SRFBP1: variants seen among roughly 807,000 people sequenced by gnomAD.
SRFBP1 encodes the protein serum response factor binding protein 1, also known as serum response factor-binding protein 1.
In SRFBP1, 47 loss-of-function variants were observed where a neutral mutation model predicts 45.5. The observed-to-expected ratio is 1.03, with a 90% CI of 0.82 to 1.32. The LOEUF (loss-of-function observed/expected upper bound fraction) is 1.32. Ranked by LOEUF, SRFBP1 falls within the 40% of genes most tolerant of loss-of-function variation. The probability of loss-of-function intolerance (pLI) is 0.00; values close to 1 mark genes in which losing one functional copy is unlikely to be tolerated. For synonymous variants in SRFBP1, 203 were observed against 166.3 expected (o/e 1.22, Z -1.70); for missense variants, 621 against 484.6 (o/e 1.28, Z -2.64).
intron 2 of SRFBP1, chr5:122,063,188 T>A (rs1580552093): frequency 6.6e-6 from 1 of 152,098 alleles, no homozygotes; most frequent in Admixed American, 6.6e-5. Flanking sequence ...AACAAATGAC[T>A]ACTATAGACA....
chr5:122,035,788 A>G (rs529295239), intron 2 of SRFBP1, among the ~76,000 whole-genome samples: 21 of 152,268 alleles, frequency 1.4e-4, no homozygotes, highest in Middle Eastern at 3.4e-3. Context: ...TTGTTGGACA[A>G]TGCAATCTAC....
At chr5:122,026,802 C>G (rs946107881) in intron 7 of SRFBP1, 140 bp from the exon 8 acceptor site, 1 of 569,992 alleles carries the variant, frequency 1.8e-6, no homozygotes, top group African/African-American at 1.9e-5. Flanking sequence ...CCCTGTTAGA[C>G]TTCAGTTTTA....
chr5:121,963,025 G>A (rs762099487), intron 1 of SRFBP1, among the ~76,000 whole-genome samples: 3 of 152,172 alleles, frequency 2.0e-5, no homozygotes, highest in Non-Finnish European at 2.9e-5. Context: ...TTCCAAAGGC[G>A]GCAAAATGAA....
chr5:122,073,234 G>T (rs1754502960), intron 2 of SRFBP1, among the ~76,000 whole-genome samples: 1 of 151,988 alleles, frequency 6.6e-6, no homozygotes, highest in African/African-American at 2.4e-5. Context: ...ACAAATTAGG[G>T]TTTCATATGG....
At chr5:121,993,801 G>A (rs1752661833) in intron 3 of SRFBP1, among the ~76,000 whole-genome samples, 1 of 151,946 alleles carries the variant, frequency 6.6e-6, no homozygotes, top group Non-Finnish European at 1.5e-5. Context: ...CCTTTCTCAA[G>A]ACTTGTTTAT....
intron 2 of SRFBP1, among the ~76,000 whole-genome samples, chr5:122,039,124 C>A (rs1008080963): frequency 6.6e-6 from 1 of 152,196 alleles, no homozygotes; most frequent in Non-Finnish European, 1.5e-5. Context: ...GTAACTATAA[C>A]AGAACGGTGT....
chr5:122,061,593 A>G lies in SRFBP1; in HGVS notation n.312-13722A>G, dbSNP rs560584286. On this transcript the variant is annotated intron_variant and non_coding_transcript_variant, in intron 2 of 2. Transcript: ENST00000504881. ...TACTTAAGTTATGCAATTATGCATA[A>G]CATAATTTTAAGTATACAAAATGAA... 9.6e-3 allele frequency among the ~76,000 whole-genome samples: 1,461 copies of G among 152,156 alleles called. 26 individuals carry two copies. Among genetic ancestry groups the G allele is most frequent in the African/African-American group, 0.033 (1,365 of 41,532 alleles).
intron 4 of SRFBP1, among the ~76,000 whole-genome samples, chr5:122,003,075 G>A (rs563148922): frequency 3.3e-5 from 5 of 152,222 alleles, no homozygotes; most frequent in South Asian, 2.1e-4. Flanking sequence ...TGGGCATGGC[G>A]GCTCACCCTG....
chr5:121,963,800 G>A (rs1392977324), intron 1 of SRFBP1, among the ~76,000 whole-genome samples: 1 of 151,702 alleles, frequency 6.6e-6, no homozygotes, highest in African/African-American at 2.4e-5. Context: ...ATGTGAAGGA[G>A]ATAAAAAGGA....
intron 4 of SRFBP1, among the ~76,000 whole-genome samples, chr5:122,009,592 T>A (rs1384430942): frequency 6.6e-6 from 1 of 152,184 alleles, no homozygotes. Context: ...AAGGATAGAT[T>A]CATGCATAGT....
chr5:121,970,075 G>A (rs1752155812), intron 1 of SRFBP1, among the ~76,000 whole-genome samples: 1 of 151,994 alleles, frequency 6.6e-6, no homozygotes. Context: ...TGACTTCTGG[G>A]TTGTCAGCCA....
At chr5:122,057,021 A>G (rs965423498) in intron 2 of SRFBP1, among the ~76,000 whole-genome samples, 1 of 152,202 alleles carries the variant, frequency 6.6e-6, no homozygotes, top group African/African-American at 2.4e-5. Context: ...GAGAAACCAA[A>G]TTTAAAATTG....
chr5:122,060,019 G>T (rs1754146157), intron 2 of SRFBP1, among the ~76,000 whole-genome samples: 1 of 152,040 alleles, frequency 6.6e-6, no homozygotes, highest in African/African-American at 2.4e-5. Flanking sequence ...GAAGGAACTT[G>T]GATCTTCTCT....
At chr5:122,013,183 A>C (rs1031144881) in intron 4 of SRFBP1, among the ~76,000 whole-genome samples, 3 of 152,032 alleles carry the variant, frequency 2.0e-5, no homozygotes, top group Non-Finnish European at 4.4e-5. Flanking sequence ...TGTGTCAAGC[A>C]CTCACTATGT....
At chr5:122,055,387 A>G (rs1454227408) in intron 2 of SRFBP1, among the ~76,000 whole-genome samples, 2 of 152,170 alleles carry the variant, frequency 1.3e-5, no homozygotes, top group African/African-American at 2.4e-5. Context: ...TTCAAACCAT[A>G]GCAACTACAC....
intron 4 of SRFBP1, among the ~76,000 whole-genome samples, chr5:121,997,793 T>A (rs1216976565): frequency 5.9e-5 from 9 of 151,604 alleles, no homozygotes; most frequent in African/African-American, 2.2e-4. Context: ...ATCCAGAATC[T>A]ACAATGAACT....
intron 1 of SRFBP1, among the ~76,000 whole-genome samples, chr5:121,970,428 A>G (rs564315206): frequency 4.6e-5 from 7 of 152,264 alleles, no homozygotes; most frequent in South Asian, 2.1e-4. Context: ...AACATTTGTT[A>G]ATATATTTTA....
chr5:122,014,628 C>G (rs1385553695), intron 4 of SRFBP1, among the ~76,000 whole-genome samples: 1 of 151,994 alleles, frequency 6.6e-6, no homozygotes, highest in African/African-American at 2.4e-5. Context: ...AAATCTTTTT[C>G]TAGAGCCTTT....
chr5:122,038,172 A>C (rs918606382), intron 2 of SRFBP1, among the ~76,000 whole-genome samples: 1 of 152,216 alleles, frequency 6.6e-6, no homozygotes, highest in Non-Finnish European at 1.5e-5. Flanking sequence ...TGTTAAACCA[A>C]TGAGAGTTTG....
Sources: gnomAD v4.1 joint callset for allele counts (sites outside exome capture counted in the v4.1 genomes callset) on GRCh38, gnomAD v4.1.1 for gene constraint, MANE v1.5 for transcripts, NCBI Gene and HGNC (gene_info 2026-07-23, HGNC 2026-07-21) for gene names.